The following NOSTRIN variants were observed in gnomAD, a reference collection of about 807,000 sequenced individuals.
NOSTRIN encodes nitric oxide synthase trafficking.
NOSTRIN carries 63 observed loss-of-function variants against 59.0 expected under a neutral mutation model. That is an observed-to-expected ratio of 1.07 (90% CI 0.87 to 1.32). NOSTRIN has a LOEUF of 1.32. Among genes scored for constraint, NOSTRIN ranks in the 40% most tolerant of loss-of-function variants. NOSTRIN has a pLI of 0.00. For synonymous variants in NOSTRIN, 200 were observed against 165.4 expected (o/e 1.21, Z -1.61); for missense variants, 512 against 473.1 (o/e 1.08, Z -0.76).
At chr2:168,847,090 C>T (rs1488164093) in intron 8 of NOSTRIN, among the ~76,000 whole-genome samples, 1 of 152,210 alleles carries the variant, frequency 6.6e-6, no homozygotes, top group African/African-American at 2.4e-5. Flanking sequence ...AACACGCCTG[C>T]ACCATGGATG....
intron 7 of NOSTRIN, among the ~76,000 whole-genome samples, 172 bp downstream of exon 7, chr2:168,834,497 G>GCA (rs1213788595): frequency 4.9e-4 from 9 of 18,316 alleles, no homozygotes; most frequent in African/African-American, 1.1e-3. Flanking sequence ...GCGTGCGCGC[G>GCA]CGCGCGCGCG....
intron 1 of NOSTRIN, chr2:168,786,726 T>C (rs1452897594): frequency 2.0e-5 from 3 of 152,154 alleles, no homozygotes; most frequent in African/African-American, 7.2e-5. Context: ...AAGTGTACTT[T>C]ACTTCCTTTC....
At chr2:168,856,808 T>G (rs774378965) in intron 12 of NOSTRIN, 30 bp downstream of exon 12, 5 of 1,595,290 alleles carry the variant, frequency 3.1e-6, no homozygotes, top group Non-Finnish European at 2.6e-6. Flanking sequence ...ATTTCCTAGA[T>G]GTAGTGATGA....
chr2:168,860,673 A>AG (rs1307045786), intron 13 of NOSTRIN, 122 bp from the exon 14 acceptor site: 1 of 673,920 alleles, frequency 1.5e-6, no homozygotes, highest in East Asian at 2.7e-5. Flanking sequence ...TCTGTCTAAA[A>AG]AAAAAAAAGA....
At chr2:168,857,741 T>A (rs772724370) in intron 12 of NOSTRIN, among the ~76,000 whole-genome samples, 43 of 152,216 alleles carry the variant, frequency 2.8e-4, no homozygotes, top group Non-Finnish European at 5.1e-4. Context: ...TTTTTAGCAA[T>A]GTTTTGAAGG....
intron 8 of NOSTRIN, among the ~76,000 whole-genome samples, chr2:168,846,075 A>G (rs1343096671): frequency 6.6e-6 from 1 of 152,122 alleles, no homozygotes; most frequent in Non-Finnish European, 1.5e-5. Flanking sequence ...TGAACCCTCA[A>G]TAATGATGCC....
rs965516576 is a variant in NOSTRIN, at chr2:168,851,401, C to T, written c.852C>T (p.Tyr284=). Residue 284 remains tyrosine (Y), a synonymous_variant, in exon 10 of 16, where the codon TAC becomes TAT. Transcript: ENST00000317647. ...ENKSEFLLTD[Y]FEEDPNSAMD... ...AATCTGAGTTCCTGTTAACGGATTA[C>T]TTTGTGAGTATGAAATGGAAAAAAA... 4 of 1,605,842 alleles carry T rather than the reference C, an allele frequency of 2.5e-6. No individual in the cohort carries two copies. The highest frequency in any genetic ancestry group is 1.7e-4 in the Middle Eastern group (1 of 6,030).
intron 15 of NOSTRIN, among the ~76,000 whole-genome samples, 194 bp from the exon 16 acceptor site, chr2:168,864,640 T>A (rs62176769): frequency 1.3e-5 from 2 of 152,142 alleles, no homozygotes; most frequent in Admixed American, 1.3e-4. Flanking sequence ...ATTATCTTAC[T>A]CTTTTTAGTA....
At chr2:168,806,751 T>G (rs1283922031) in intron 1 of NOSTRIN, among the ~76,000 whole-genome samples, 1 of 152,134 alleles carries the variant, frequency 6.6e-6, no homozygotes, top group African/African-American at 2.4e-5. Context: ...AATAGTAGAT[T>G]ATTCCCTGGA....
upstream of NOSTRIN, among the ~76,000 whole-genome samples, chr2:168,800,628 A>G (rs903068664): frequency 6.6e-6 from 1 of 152,212 alleles, no homozygotes; most frequent in Non-Finnish European, 1.5e-5. Flanking sequence ...TATAATTCGT[A>G]TACAAAGATC....
chr2:168,796,451 C>G (rs1416039995), upstream of NOSTRIN, among the ~76,000 whole-genome samples: 2 of 152,248 alleles, frequency 1.3e-5, no homozygotes, highest in Non-Finnish European at 2.9e-5. Flanking sequence ...AGCGGGCCAG[C>G]TGCCCCAAGC....
At chr2:168,791,079 T>C (rs1253583095) in intron 2 of NOSTRIN, among the ~76,000 whole-genome samples, 2 of 152,172 alleles carry the variant, frequency 1.3e-5, no homozygotes, top group East Asian at 3.8e-4. Flanking sequence ...GCCATGTTGG[T>C]GTGCTGCACC....
chr2:168,839,900 AAT>A (rs1199350074), intron 7 of NOSTRIN, among the ~76,000 whole-genome samples: 25 of 123,204 alleles, frequency 2.0e-4, no homozygotes, highest in Non-Finnish European at 3.3e-4. Context: ...AAAAAAAAAA[AAT>A]ATATATATAT....
chr2:168,843,894 T>A (rs531099527), intron 8 of NOSTRIN, among the ~76,000 whole-genome samples: 3 of 152,238 alleles, frequency 2.0e-5, no homozygotes, highest in Non-Finnish European at 4.4e-5. Flanking sequence ...TGCACAAGAA[T>A]GTTTATGGGA....
At chr2:168,830,026 A>C (rs1429881209) in intron 5 of NOSTRIN, among the ~76,000 whole-genome samples, 1 of 152,240 alleles carries the variant, frequency 6.6e-6, no homozygotes, top group African/African-American at 2.4e-5. Context: ...ATTTTACCAG[A>C]ATGGATGCTC....
chr2:168,811,547 T>C lies in NOSTRIN; in HGVS notation c.28-20T>C. On this transcript the variant is annotated intron_variant, in intron 1 of 15. Coordinates refer to ENST00000317647, the MANE Select transcript of NOSTRIN (RefSeq NM_001039724.4). ...AATCTTCCTGTTCATTGTTTTTTTGTTATTGTTCTTGTTTTTCAGTATAAT... is the reference window on the plus strand; with the variant it reads ...AATCTTCCTGTTCATTGTTTTTTTGCTATTGTTCTTGTTTTTCAGTATAAT... 1.3e-6 allele frequency: 1 copy of C among 784,402 alleles called. No individual in the cohort carries two copies. The highest frequency in any genetic ancestry group is 2.2e-6 in the Non-Finnish European group (1 of 455,940). The allele number at this position is 784,402 out of a possible 1,614,324, so 48.6% of individuals were successfully genotyped here.
intron 2 of NOSTRIN, among the ~76,000 whole-genome samples, chr2:168,816,540 G>A (rs1278262004): frequency 1.3e-5 from 2 of 152,120 alleles, no homozygotes; most frequent in Non-Finnish European, 2.9e-5. Context: ...TGCACAGGCT[G>A]TATTGCCTGC....
At chr2:168,835,938 T>C (rs1299182668) in intron 7 of NOSTRIN, among the ~76,000 whole-genome samples, 1 of 152,194 alleles carries the variant, frequency 6.6e-6, no homozygotes, top group African/African-American at 2.4e-5. Context: ...GTGTCCCAGA[T>C]TGAAAACCTT....
upstream of NOSTRIN, among the ~76,000 whole-genome samples, chr2:168,798,472 A>G (rs1253952496): frequency 2.0e-5 from 3 of 152,218 alleles, no homozygotes; most frequent in Non-Finnish European, 4.4e-5. Context: ...TAGAGGCAGC[A>G]CAAAATGTCA....
Sources: gnomAD v4.1 joint callset for allele counts (sites outside exome capture counted in the v4.1 genomes callset) on GRCh38, gnomAD v4.1.1 for gene constraint, MANE v1.5 for transcripts, NCBI Gene and HGNC (gene_info 2026-07-23, HGNC 2026-07-21) for gene names.